SLC35F4: variants seen among roughly 807,000 people sequenced by gnomAD.
SLC35F4 encodes the protein chromosome 14 open reading frame 36.
A neutral mutation model predicts 44.2 loss-of-function variants in SLC35F4; 24 were observed. The observed-to-expected ratio is 0.54, with a 90% CI of 0.39 to 0.76. The LOEUF (loss-of-function observed/expected upper bound fraction) is 0.76. Ranked by LOEUF, SLC35F4 falls within the 30% of genes least tolerant of loss-of-function variation. The probability of loss-of-function intolerance (pLI) is 0.00; values close to 1 mark genes in which losing one functional copy is unlikely to be tolerated. For missense variants in SLC35F4, 562 were observed against 586.1 expected (o/e 0.96, Z 0.42); for synonymous variants, 238 against 223.6 (o/e 1.06, Z -0.57).
rs547599800 is a variant in SLC35F4 at position 57,965,101 on chromosome 14, T to G, written n.282+16812A>C. 9.9e-5 allele frequency among the ~76,000 whole-genome samples: 15 copies of G among 151,932 alleles called. No individual in the cohort carries two copies. In the South Asian group the frequency reaches 3.1e-3, roughly 32 times the overall value. ...CTGTTACAAATTACCACAAACTTAG[T>G]GGATTAAACCAACACAAAATTATTA... On this transcript the variant is annotated intron_variant and non_coding_transcript_variant, in intron 1 of 1. Transcript: ENST00000556568.
At chr14:57,789,880 A>T (rs2077870227) in intron 1 of SLC35F4, among the ~76,000 whole-genome samples, 2 of 152,240 alleles carry the variant, frequency 1.3e-5, no homozygotes, top group African/African-American at 4.8e-5. Context: ...CATAAACAGA[A>T]CCAATGGCAA....
At chr14:57,845,270 G>T (rs1435339027) in intron 1 of SLC35F4, among the ~76,000 whole-genome samples, 2 of 152,194 alleles carry the variant, frequency 1.3e-5, no homozygotes, top group African/African-American at 4.8e-5. Context: ...TCAAATCCTT[G>T]CCCTGACACC....
intron 1 of SLC35F4, among the ~76,000 whole-genome samples, chr14:57,887,765 G>C (rs1356283948): frequency 2.0e-5 from 3 of 152,162 alleles, no homozygotes; most frequent in African/African-American, 7.2e-5. Flanking sequence ...CCTGTGCACA[G>C]CCTCTTCTGG....
At chr14:57,733,522 C>A in intron 1 of SLC35F4, among the ~76,000 whole-genome samples, 2 of 146,952 alleles carry the variant, frequency 1.4e-5, no homozygotes, top group South Asian at 2.2e-4. Context: ...ACAGAGGAAA[C>A]AAGATTTATT....
At chr14:57,802,831 C>T (rs1363544005) in intron 1 of SLC35F4, among the ~76,000 whole-genome samples, 4 of 151,756 alleles carry the variant, frequency 2.6e-5, no homozygotes, top group Non-Finnish European at 5.9e-5. Context: ...AAGTAGCAAG[C>T]AAAAAACACC....
At chr14:57,660,001 A>G (rs1427318627) in intron 1 of SLC35F4, among the ~76,000 whole-genome samples, 1 of 152,170 alleles carries the variant, frequency 6.6e-6, no homozygotes, top group African/African-American at 2.4e-5. Context: ...CAAATCAACA[A>G]GAGACAGGTC....
At chr14:57,966,867 G>A (rs947044335) in intron 1 of SLC35F4, among the ~76,000 whole-genome samples, 3 of 151,928 alleles carry the variant, frequency 2.0e-5, no homozygotes, top group Non-Finnish European at 4.4e-5. Flanking sequence ...AAAATCAGCC[G>A]GGCATGGTGG....
chr14:57,907,981 C>G (rs992414581), intron 1 of SLC35F4, among the ~76,000 whole-genome samples: 2 of 152,028 alleles, frequency 1.3e-5, no homozygotes, highest in Non-Finnish European at 2.9e-5. Context: ...TGTGATGTTC[C>G]CCTCTCTGTG....
At chr14:57,773,688 A>C (rs113029512) in intron 1 of SLC35F4, among the ~76,000 whole-genome samples, 10 of 152,140 alleles carry the variant, frequency 6.6e-5, no homozygotes, top group Non-Finnish European at 8.8e-5. Flanking sequence ...ACAATTGTTT[A>C]ACATGACCTG....
chr14:57,951,532 T>A (rs1462387002), intron 1 of SLC35F4, among the ~76,000 whole-genome samples: 1 of 152,182 alleles, frequency 6.6e-6, no homozygotes, highest in African/African-American at 2.4e-5. Context: ...TAAGATCCAC[T>A]GGCTTGAAAT....
chr14:57,961,002 G>C (rs972186649), intron 1 of SLC35F4, among the ~76,000 whole-genome samples: 5 of 152,164 alleles, frequency 3.3e-5, no homozygotes, highest in African/African-American at 1.2e-4. Context: ...AGCTATCAGA[G>C]GGGCCGGAGC....
intron 1 of SLC35F4, among the ~76,000 whole-genome samples, chr14:57,670,287 G>C (rs1055016848): frequency 1.3e-4 from 20 of 152,126 alleles, no homozygotes; most frequent in African/African-American, 4.3e-4. Flanking sequence ...ACAGCTCCTG[G>C]ATTCATTGAA....
intron 1 of SLC35F4, among the ~76,000 whole-genome samples, chr14:57,619,400 A>AG (rs2072048619): frequency 3.3e-5 from 5 of 152,174 alleles, no homozygotes. Context: ...CAGGCAAAAA[A>AG]GGTCTGGAGT....
intron 4 of SLC35F4, chr14:57,578,814 C>G (rs940336352): frequency 2.0e-5 from 3 of 152,232 alleles, no homozygotes; most frequent in African/African-American, 7.2e-5. Flanking sequence ...AACATTTCCT[C>G]TACTGAGTGT....
intron 1 of SLC35F4, among the ~76,000 whole-genome samples, chr14:57,769,613 GAA>G (rs2077313763): frequency 6.6e-6 from 1 of 152,282 alleles, no homozygotes; most frequent in African/African-American, 2.4e-5. Flanking sequence ...TATCATCTCT[GAA>G]GAGAGGCTGC....
intron 1 of SLC35F4, among the ~76,000 whole-genome samples, chr14:57,747,873 T>A (rs959860792): frequency 6.6e-6 from 1 of 152,190 alleles, no homozygotes; most frequent in Non-Finnish European, 1.5e-5. Flanking sequence ...CCCTGAATGT[T>A]CTTAGTTAGA....
intron 1 of SLC35F4, among the ~76,000 whole-genome samples, chr14:57,938,760 T>G (rs1282198868): frequency 6.6e-6 from 1 of 152,152 alleles, no homozygotes; most frequent in Non-Finnish European, 1.5e-5. Flanking sequence ...GCTACTGCTA[T>G]GTAAACCATG....
chr14:57,722,757 C>A (rs1296731394), intron 1 of SLC35F4, among the ~76,000 whole-genome samples: 1 of 152,196 alleles, frequency 6.6e-6, no homozygotes. Context: ...AGGAAGCCTA[C>A]TGCATTCCTC....
chr14:57,841,460 C>T (rs145992029), intron 1 of SLC35F4, among the ~76,000 whole-genome samples: 136 of 152,190 alleles, frequency 8.9e-4, no homozygotes, highest in South Asian at 8.3e-3. Context: ...TCTTAGAAAG[C>T]CCAAACTACT....
Sources: gnomAD v4.1 joint callset for allele counts (sites outside exome capture counted in the v4.1 genomes callset) on GRCh38, gnomAD v4.1.1 for gene constraint, MANE v1.5 for transcripts, NCBI Gene and HGNC (gene_info 2026-07-23, HGNC 2026-07-21) for gene names.